PCDH11X: variants seen among roughly 807,000 people sequenced by gnomAD.
PCDH11X encodes the protein protocadherin-11 X-linked.
Under a neutral mutation model 53.3 loss-of-function variants are expected in PCDH11X, and 18 were observed. The observed-to-expected ratio is 0.34, with a 90% CI of 0.23 to 0.50. PCDH11X has a LOEUF of 0.50. Ranked by LOEUF, PCDH11X falls within the 20% of genes least tolerant of loss-of-function variation. The probability of loss-of-function intolerance (pLI) is 0.98; values close to 1 mark genes in which losing one functional copy is unlikely to be tolerated. For synonymous variants in PCDH11X, 279 were observed against 393.3 expected (o/e 0.71, Z 3.44); for missense variants, 570 against 1,032.4 (o/e 0.55, Z 6.14).
At chrX:92,345,925 A>G (rs2148520225) in intron 8 of PCDH11X, among the ~76,000 whole-genome samples, 1 of 109,773 alleles carries the variant, frequency 9.1e-6, no homozygotes, top group South Asian at 3.9e-4. Context: ...CTAGCTTCTA[A>G]TGTGTGAGTA....
intron 8 of PCDH11X, among the ~76,000 whole-genome samples, chrX:92,304,521 A>G (rs6615357): frequency 0.13 from 14,772 of 111,283 alleles, 1,427 homozygotes; most frequent in East Asian, 0.37. Context: ...TATGACTGGT[A>G]TAATTCAAAG....
intron 8 of PCDH11X, among the ~76,000 whole-genome samples, chrX:92,300,261 A>G (rs2068693442): frequency 9.0e-6 from 1 of 111,415 alleles, no homozygotes; most frequent in Admixed American, 9.6e-5. Context: ...ATGTATAAAT[A>G]TATACACCTA....
At chrX:91,982,863 T>A in intron 6 of PCDH11X, 1 of 907,579 alleles carries the variant, frequency 1.1e-6, no homozygotes, top group Admixed American at 2.2e-5. Context: ...CGTGTTACTG[T>A]TTCCTGCTGT....
At chrX:92,194,667 A>G (rs1328738354) in intron 6 of PCDH11X, among the ~76,000 whole-genome samples, 2 of 97,153 alleles carry the variant, frequency 2.1e-5, no homozygotes, top group South Asian at 4.3e-4. Flanking sequence ...AATAAATATT[A>G]TGTTTTTTTT....
At chrX:91,781,027 C>A (rs1346894612) in intron 1 of PCDH11X, among the ~76,000 whole-genome samples, 1 of 112,315 alleles carries the variant, frequency 8.9e-6, no homozygotes, top group African/African-American at 3.2e-5. Flanking sequence ...TCATGTGAAG[C>A]GCTTACGGGT....
intron 6 of PCDH11X, among the ~76,000 whole-genome samples, chrX:92,074,798 A>G (rs1046671806): frequency 3.6e-5 from 4 of 112,170 alleles, no homozygotes; most frequent in African/African-American, 1.3e-4. Context: ...TAATTTGTAA[A>G]GTGTTAATTC....
At chrX:92,012,663 G>A (rs1220742119) in intron 6 of PCDH11X, among the ~76,000 whole-genome samples, 1 of 111,288 alleles carries the variant, frequency 9.0e-6, no homozygotes, top group East Asian at 2.8e-4. Flanking sequence ...TGACTTGTGG[G>A]TGTGCAAAGG....
intron 7 of PCDH11X, among the ~76,000 whole-genome samples, chrX:92,208,159 C>G (rs1420619240): frequency 9.9e-6 from 1 of 101,218 alleles, no homozygotes; most frequent in Non-Finnish European, 2.0e-5. Context: ...TGTACCAATG[C>G]ACTCCAGCCT....
intron 9 of PCDH11X, among the ~76,000 whole-genome samples, chrX:92,412,830 GA>G: frequency 9.2e-6 from 1 of 109,230 alleles, no homozygotes; most frequent in East Asian, 2.9e-4. Flanking sequence ...TTTAGGTAGA[GA>G]AAAAAGTAAG....
At chrX:92,105,485 A>G (rs1378740043) in intron 6 of PCDH11X, among the ~76,000 whole-genome samples, 2 of 110,620 alleles carry the variant, frequency 1.8e-5, no homozygotes, top group East Asian at 5.8e-4. Flanking sequence ...TGTGTGAGCA[A>G]CATGGCTGTT....
At chrX:92,053,562 A>G (rs1429606974) in intron 6 of PCDH11X, among the ~76,000 whole-genome samples, 1 of 98,349 alleles carries the variant, frequency 1.0e-5, no homozygotes, top group Non-Finnish European at 2.0e-5. Context: ...AAGAACCGAC[A>G]TTGAACTGAG....
At chrX:92,484,181 G>GTA (rs1174166341) in intron 10 of PCDH11X, among the ~76,000 whole-genome samples, 11 of 22,825 alleles carry the variant, frequency 4.8e-4, no homozygotes, top group Non-Finnish European at 6.9e-4. Flanking sequence ...ATATATGTAT[G>GTA]TATATATATG....
intron 6 of PCDH11X, among the ~76,000 whole-genome samples, chrX:92,048,319 C>G (rs1363784488): frequency 9.2e-6 from 1 of 108,617 alleles, no homozygotes; most frequent in African/African-American, 3.3e-5. Context: ...AGTGTCCCTT[C>G]TCTCAAATAC....
intron 6 of PCDH11X, among the ~76,000 whole-genome samples, chrX:92,129,505 T>A: frequency 8.9e-6 from 1 of 112,165 alleles, no homozygotes; most frequent in Non-Finnish European, 1.9e-5. Context: ...CATACAAATT[T>A]ATTTAGTATA....
intron 6 of PCDH11X, among the ~76,000 whole-genome samples, chrX:92,008,857 A>C (rs2062644151): frequency 9.0e-6 from 1 of 111,481 alleles, no homozygotes; most frequent in South Asian, 3.8e-4. Context: ...GTAAAGATAC[A>C]CTTACTGGTG....
intron 10 of PCDH11X, among the ~76,000 whole-genome samples, chrX:92,583,123 G>A (rs1345935686): frequency 1.1e-5 from 1 of 94,447 alleles, no homozygotes; most frequent in African/African-American, 4.0e-5. Flanking sequence ...TTTTTTAGAT[G>A]GATTCTCTCT....
intron 6 of PCDH11X, among the ~76,000 whole-genome samples, chrX:91,902,115 G>T (rs1424016522): frequency 4.5e-5 from 5 of 111,417 alleles, no homozygotes; most frequent in Non-Finnish European, 7.5e-5. Context: ...ATTTTGTGGA[G>T]GCAATAAAAA....
chrX:92,015,965 C>A (rs1179709264), intron 6 of PCDH11X, among the ~76,000 whole-genome samples: 1 of 111,230 alleles, frequency 9.0e-6, no homozygotes, highest in East Asian at 2.8e-4. Context: ...AATGATAATA[C>A]TTGAGAGTTG....
intron 9 of PCDH11X, among the ~76,000 whole-genome samples, chrX:92,457,389 T>G (rs2072929497): frequency 9.5e-6 from 1 of 105,484 alleles, no homozygotes; most frequent in Admixed American, 1.0e-4. Flanking sequence ...AATATAAATA[T>G]AGAAAATAAA....
Sources: gnomAD v4.1 joint callset for allele counts (sites outside exome capture counted in the v4.1 genomes callset) on GRCh38, gnomAD v4.1.1 for gene constraint, MANE v1.5 for transcripts, NCBI Gene and HGNC (gene_info 2026-07-23, HGNC 2026-07-21) for gene names.